NUDT8: variants seen among roughly 807,000 people sequenced by gnomAD.
The protein encoded by NUDT8 is nudix hydrolase 8, also known as mitochondrial coenzyme A diphosphatase NUDT8.
Under a neutral mutation model 12.5 loss-of-function variants are expected in NUDT8, and 14 were observed. The ratio of observed to expected loss-of-function variants is 1.12; its 90% CI spans 0.74 to 1.75. NUDT8 has a LOEUF of 1.75. NUDT8 is among the 40% of genes most tolerant of loss of function. The pLI is 0.00. For synonymous variants in NUDT8, 163 were observed against 156.2 expected (o/e 1.04, Z -0.33); for missense variants, 337 against 318.5 (o/e 1.06, Z -0.44).
chr11:67,629,166 A>C, intron 1 of NUDT8, 115 bp from the exon 2 acceptor site: 1 of 1,156,214 alleles, frequency 8.6e-7, no homozygotes, highest in South Asian at 1.5e-5. Flanking sequence ...CTCTGCCCCT[A>C]GTTTACTGGG....
In NUDT8 at chr11:67,628,986, C is replaced by A; in HGVS notation, c.260G>T (p.Arg87Leu). 6.2e-7 allele frequency: 1 copy of A among 1,613,060 alleles called. No individual in the cohort carries two copies. The highest frequency in any genetic ancestry group is 1.1e-5 in the South Asian group (1 of 91,058). Residue 87 changes from arginine to leucine, a missense_variant, in exon 2 of 4, where the codon CGG becomes CTG. By Grantham distance (102) the Arg-to-Leu change is moderately radical. Coordinates refer to ENST00000376693, the MANE Select transcript of NUDT8 (RefSeq NM_001243750.2). Reference protein sequence around the residue: ...DVVHTALRETREELGLAVPEE... With the variant: ...DVVHTALRETLEELGLAVPEE... ...GGGCACTGCCAGGCCCAGCTCCTCC[C>A]GGGTTTCCCGCAGGGCCGTGTGCAC...
intron 1 of NUDT8, 128 bp from the exon 2 acceptor site, chr11:67,629,179 GCCCCA>G: frequency 9.7e-7 from 1 of 1,030,928 alleles, no homozygotes; most frequent in Non-Finnish European, 1.4e-6. Context: ...TTACTGGGAG[GCCCCA>G]GGCAAGCCAT....
chr11:67,629,933 A>G lies in NUDT8; in HGVS notation c.-22T>C. ...GCATGTCAAGTCCTGCGCGGCCGGG[A>G]CACTGAGGGCGCGGGATCGGGCGAG... On this transcript the variant is annotated 5_prime_UTR_variant, in exon 1 of 4. Coordinates refer to ENST00000376693, the MANE Select transcript of NUDT8 (RefSeq NM_001243750.2). 8.2e-7 allele frequency: 1 copy of G among 1,219,502 alleles called. No individual in the cohort carries two copies. The highest frequency in any genetic ancestry group is 1.0e-6 in the Non-Finnish European group (1 of 981,618). 75.5% of individuals were successfully genotyped at this position (1,219,502 alleles called of 1,614,324 possible).
chr11:67,628,000 G>A lies in NUDT8; in HGVS notation c.657C>T (p.Pro219=), dbSNP rs957532204. ...GAEGLARPKQ[P]LASPCQASST... ...AGCTGGCCTGACAGGGTGAAGCCAGGGGCTGCTTAGGGCGGGCCAGACCCT... is the reference window on the plus strand; with the variant it reads ...AGCTGGCCTGACAGGGTGAAGCCAGAGGCTGCTTAGGGCGGGCCAGACCCT... The change falls in exon 4 of 4, where the codon CCC becomes CCT. Residue 219 remains proline, a synonymous_variant. Coordinates refer to ENST00000376693, the MANE Select transcript of NUDT8 (RefSeq NM_001243750.2). The A allele has an allele frequency of 6.3e-6, 10 of 1,597,582 alleles. No homozygotes were observed. The highest frequency in any genetic ancestry group is 8.5e-6 in the Non-Finnish European group (10 of 1,179,300).
rs781730289 is a variant in NUDT8 at position 67,628,311 on chromosome 11, C to A, written c.405+12G>T. On this transcript the variant is annotated intron_variant, in intron 3 of 3. Coordinates refer to ENST00000376693, the MANE Select transcript of NUDT8 (RefSeq NM_001243750.2). ...CTGGAACAGCCCAACCCCCTCATAT[C>A]CCCCAGCTCACCTCCTCCGAGTTGG... 3 of 1,613,882 alleles carry A rather than the reference C, an allele frequency of 1.9e-6. No homozygotes were observed. The highest frequency in any genetic ancestry group is 1.7e-6 in the Non-Finnish European group (2 of 1,179,944).
At chr11:67,629,124 G>A (rs111733370) in intron 1 of NUDT8, 73 bp from the exon 2 acceptor site, 20 of 1,462,840 alleles carry the variant, frequency 1.4e-5, no homozygotes, top group Middle Eastern at 1.9e-4. Flanking sequence ...GCAGTGCGGG[G>A]GGGGCCACTG....
chr11:67,628,443 G>T, intron 2 of NUDT8, 43 bp from the exon 3 acceptor site: 1 of 1,554,144 alleles, frequency 6.4e-7, no homozygotes, highest in Non-Finnish European at 8.9e-7. Context: ...GGCCTTCGCT[G>T]GGTTTGAAGG....
Position 67,629,878 on chromosome 11 carries a change from G to T in NUDT8, c.34C>A (p.Leu12Met). 8.0e-7 allele frequency: 1 copy of T among 1,246,078 alleles called. No homozygotes were observed. Among genetic ancestry groups the T allele is most frequent in the Non-Finnish European group, 1.0e-6 (1 of 1,001,038 alleles). 77.2% of individuals were successfully genotyped at this position (1,246,078 alleles called of 1,614,324 possible). Residue 12 changes from leucine (L) to methionine (M), a missense_variant, in exon 1 of 4, where the codon CTG becomes ATG. By Grantham distance (15) the Leu-to-Met change is conservative. Coordinates refer to ENST00000376693, the MANE Select transcript of NUDT8 (RefSeq NM_001243750.2). ...LPDCLSAEGE[L>M]RCRRLLAGAT... ...CCTGCCAGCAGCCGGCGGCAGCGCA[G>T]CTCGCCCTCGGCCGACAGGCAGTCG...
In NUDT8 at chr11:67,629,731, T is replaced by TGTGCCTCCCG; in HGVS notation, c.171_180dup (p.Lys61ArgfsTer18). The stretch of plus-strand genomic sequence containing the variant: ...CGGCCGCTGTACCTGACGTCGCCCT[T>TGTGCCTCCCG]GTGCCTCCCGGTCAGGCGGCTGGAC... On this transcript the variant is annotated frameshift_variant, in exon 1 of 4. Transcript: ENST00000376693. LOFTEE classifies it high-confidence loss of function. The TGTGCCTCCCG allele has an allele frequency of 6.5e-7, 1 of 1,536,612 alleles. No individual in the cohort carries two copies. Among genetic ancestry groups the TGTGCCTCCCG allele is most frequent in the Non-Finnish European group, 8.7e-7 (1 of 1,146,078 alleles).
chr11:67,629,470 G>T (rs998219521), intron 1 of NUDT8: 2 of 406,860 alleles, frequency 4.9e-6, no homozygotes, highest in Admixed American at 4.4e-5. Flanking sequence ...CGGCCCAGGC[G>T]TGCGCGCAAG....
chr11:67,628,344 G>A lies in NUDT8; in HGVS notation c.384C>T (p.Ser128=), dbSNP rs1239507248. The change falls in exon 3 of 4, where the codon AGC becomes AGT. Residue 128 remains serine (S), a synonymous_variant. Coordinates refer to ENST00000376693, the MANE Select transcript of NUDT8 (RefSeq NM_001243750.2). ...TCACCTCCTCCGAGTTGGGCCTGAG[G>A]CTCTGGGGATCCAGTGGGCCTACAC... ...LAGVGPLDPQ[S]LRPNSEEVDE... 1 of 1,613,928 alleles carries A rather than the reference G, an allele frequency of 6.2e-7. No homozygotes were observed. Among genetic ancestry groups the A allele is most frequent in the Non-Finnish European group, 8.5e-7 (1 of 1,179,972 alleles).
At chr11:67,628,517 G>A (rs931986011) in intron 2 of NUDT8, 117 bp from the exon 3 acceptor site, 6 of 819,746 alleles carry the variant, frequency 7.3e-6, no homozygotes, top group South Asian at 1.7e-5. Flanking sequence ...AGTCATGTTC[G>A]GGTCCACCTG....
chr11:67,628,475 G>A, intron 2 of NUDT8, 75 bp from the exon 3 acceptor site: 1 of 1,307,448 alleles, frequency 7.6e-7, no homozygotes. Context: ...AGTGTGAGAG[G>A]AAGACCCCTT....
chr11:67,628,887 T>C (rs764215767), intron 2 of NUDT8, 32 bp downstream of exon 2: 21 of 1,584,282 alleles, frequency 1.3e-5, no homozygotes, highest in Non-Finnish European at 1.6e-5. Flanking sequence ...AGTGAGTGAA[T>C]GGGGTGGGGT....
chr11:67,628,603 T>A (rs1452763263), intron 2 of NUDT8, among the ~76,000 whole-genome samples: 1 of 152,122 alleles, frequency 6.6e-6, no homozygotes, highest in Non-Finnish European at 1.5e-5. Flanking sequence ...CTTAGGACAA[T>A]CTCCCACTTG....
chr11:67,629,698 G>T lies in NUDT8; in HGVS notation c.194+20C>A. ...TCCTGTAGCCTCCGGCAAAGGGCGA[G>T]GAGTTCCCGGCCGCTGTACCTGACG... is the stretch of plus-strand genomic sequence containing the variant. On this transcript the variant is annotated intron_variant, in intron 1 of 3. Transcript: ENST00000376693. 1 of 1,434,940 alleles carries T rather than the reference G, an allele frequency of 7.0e-7. No homozygotes were observed. 88.9% of individuals were successfully genotyped at this position (1,434,940 alleles called of 1,614,324 possible).
chr11:67,629,807 G>T lies in NUDT8; in HGVS notation c.105C>A (p.Leu35=). The change falls in exon 1 of 4, where the codon CTC becomes CTA. Residue 35 remains leucine (L), a synonymous_variant. Coordinates refer to ENST00000376693, the MANE Select transcript of NUDT8 (RefSeq NM_001243750.2). ...LRARPASAAV[L]VPLCSVRGVP... ...CCCCACGCACTGAGCAGAGCGGCACGAGCACCGCGGCCGACGCGGGCCGCG... is the reference window on the plus strand; with the variant it reads ...CCCCACGCACTGAGCAGAGCGGCACTAGCACCGCGGCCGACGCGGGCCGCG... 2 of 1,437,240 alleles carry T rather than the reference G, an allele frequency of 1.4e-6. No individual in the cohort carries two copies. The highest frequency in any genetic ancestry group is 2.8e-5 in the East Asian group (1 of 35,490). 89.0% of individuals were successfully genotyped at this position (1,437,240 alleles called of 1,614,324 possible). A position where few individuals can be genotyped will look rare whatever the true frequency, so the allele number is the denominator to read the frequency against.
Position 67,628,116 on chromosome 11 carries a change from G to A in NUDT8, c.541C>T (p.Leu181Phe), listed in dbSNP as rs773676891. The A allele has an allele frequency of 5.0e-6, 8 of 1,598,900 alleles. No individual in the cohort carries two copies. The highest frequency in any genetic ancestry group is 1.3e-5 in the African/African-American group (1 of 75,056). ...FLHGPHRVWG[L>F]TAVITEFALQ... ...GCAAACTCAGTGATGACAGCTGTGA[G>A]GCCCCAGACCCGGTGTGGTCCATGC... Residue 181 changes from leucine to phenylalanine, a missense_variant, in exon 4 of 4, where the codon CTC becomes TTC. Leu to Phe is a conservative substitution (Grantham distance 22). Transcript: ENST00000376693.
At chr11:67,629,246 A>T in intron 1 of NUDT8, 195 bp from the exon 2 acceptor site, 1 of 581,600 alleles carries the variant, frequency 1.7e-6, no homozygotes, top group Non-Finnish European at 3.0e-6. Context: ...TAAGGAAGAG[A>T]GGCCCGGGAC....
Sources: allele counts gnomAD v4.1 joint callset (sites outside exome capture counted in the v4.1 genomes callset), GRCh38; gene constraint gnomAD v4.1.1; transcripts MANE v1.5; gene names NCBI Gene and HGNC (gene_info 2026-07-23, HGNC 2026-07-21).